The following PRIMPOL variants were observed in gnomAD, a reference collection of about 807,000 sequenced individuals.
PRIMPOL encodes the protein DNA-directed primase/polymerase protein.
In PRIMPOL, 54 loss-of-function variants were observed where a neutral mutation model predicts 63.6. That is an observed-to-expected ratio of 0.85 (90% CI 0.68 to 1.07). The LOEUF (loss-of-function observed/expected upper bound fraction) is 1.07. Among genes scored for constraint, PRIMPOL ranks in the 50% least tolerant of loss-of-function variants. The probability of loss-of-function intolerance (pLI) is 0.00; values close to 1 mark genes in which losing one functional copy is unlikely to be tolerated. For synonymous variants in PRIMPOL, 197 were observed against 220.2 expected (o/e 0.89, Z 0.93); for missense variants, 610 against 648.3 (o/e 0.94, Z 0.64).
chr4:184,657,104 G>T lies in PRIMPOL; in HGVS notation c.-37G>T, dbSNP rs199564366. 3 of 1,393,654 alleles carry T rather than the reference G, an allele frequency of 2.2e-6. No homozygotes were observed. The highest frequency in any genetic ancestry group is 2.9e-6 in the Non-Finnish European group (3 of 1,051,372). The allele number at this position is 1,393,654 out of a possible 1,614,324, so 86.3% of individuals were successfully genotyped here. A position where few individuals can be genotyped will look rare whatever the true frequency, so the allele number is the denominator to read the frequency against. Reference sequence around the variant, plus strand: ...TAGTAGTAATTGATAGAAATATTACGTGGGATAGGATTTATTCTCTCCACA... The same window carrying T: ...TAGTAGTAATTGATAGAAATATTACTTGGGATAGGATTTATTCTCTCCACA... On this transcript the variant is annotated 5_prime_UTR_variant, in exon 3 of 14. Coordinates refer to ENST00000314970, the MANE Select transcript of PRIMPOL (RefSeq NM_152683.4).
chr4:184,675,674 G>A (rs113233261), intron 7 of PRIMPOL, among the ~76,000 whole-genome samples: 8,044 of 152,102 alleles, frequency 0.053, 284 homozygotes, highest in Middle Eastern at 0.085. Context: ...AAAATTAGCC[G>A]GGCATGGTGG....
chr4:184,692,495 A>G (rs1247491348), intron 13 of PRIMPOL, among the ~76,000 whole-genome samples: 1 of 140,978 alleles, frequency 7.1e-6, no homozygotes, highest in East Asian at 2.0e-4. Context: ...AAAAAAAAAG[A>G]AAGAAAATAC....
At chr4:184,689,332 A>G (rs10013562) in intron 11 of PRIMPOL, among the ~76,000 whole-genome samples, 32,259 of 151,556 alleles carry the variant, frequency 0.21, 4,267 homozygotes, top group African/African-American at 0.37. Context: ...AAAATGCTGG[A>G]ATTACAGGTG....
At chr4:184,693,016 A>AT (rs1759289589) in intron 13 of PRIMPOL, among the ~76,000 whole-genome samples, 1 of 152,086 alleles carries the variant, frequency 6.6e-6, no homozygotes, top group Admixed American at 6.6e-5. Flanking sequence ...GTTTTTTGTC[A>AT]CATCTGTCAG....
chr4:184,654,544 G>A lies in PRIMPOL; in HGVS notation c.-60+2444G>A, dbSNP rs193291576. On this transcript the variant is annotated intron_variant, in intron 2 of 13. Coordinates refer to ENST00000314970, the MANE Select transcript of PRIMPOL (RefSeq NM_152683.4). ...TGGCTCACTGCAAGCTCTGCCTCCC[G>A]GGTTCACGCCATTCTCCTGCCTCAG... Among the ~76,000 whole-genome samples the A allele has an allele frequency of 8.7e-3, 1,231 of 142,230 alleles. 19 individuals carry two copies. Among genetic ancestry groups the A allele is most frequent in the African/African-American group, 0.03 (1,166 of 38,242 alleles). The allele number at this position is 142,230 out of a possible 152,430, so 93.3% of individuals were successfully genotyped here.
chr4:184,660,407 C>T (rs1047079464), intron 4 of PRIMPOL, among the ~76,000 whole-genome samples: 2 of 152,036 alleles, frequency 1.3e-5, no homozygotes, highest in South Asian at 2.1e-4. Flanking sequence ...TCTCGAGCTC[C>T]TGACCTCAGA....
At position 184,688,587 on chromosome 4, in the gene PRIMPOL, CAGG is replaced by C. The variant is rs567483494; in HGVS notation, c.1296-2907_1296-2905del. On this transcript the variant is annotated intron_variant, in intron 11 of 13. Coordinates refer to ENST00000314970, the MANE Select transcript of PRIMPOL (RefSeq NM_152683.4). The stretch of plus-strand genomic sequence containing the variant: ...CTGGCCCTTCCTGCTCTTTCTGACT[CAGG>C]AGGAAACCCGAGGCAGGCGTGAGCA... 7.7e-4 allele frequency among the ~76,000 whole-genome samples: 117 copies of C among 152,328 alleles called. 1 individual carries two copies. Among genetic ancestry groups the C allele is most frequent in the African/African-American group, 2.6e-3 (109 of 41,560 alleles).
intron 3 of PRIMPOL, among the ~76,000 whole-genome samples, chr4:184,658,246 A>G (rs1001897344): frequency 5.9e-5 from 9 of 152,126 alleles, no homozygotes; most frequent in African/African-American, 1.9e-4. Flanking sequence ...GGCTTACTCA[A>G]ATCTCATGAG....
chr4:184,677,661 G>A (rs577983283), intron 7 of PRIMPOL, among the ~76,000 whole-genome samples: 3 of 152,058 alleles, frequency 2.0e-5, no homozygotes, highest in East Asian at 1.9e-4. Flanking sequence ...TCAGTTTGCC[G>A]GTTTACACAA....
intron 7 of PRIMPOL, 130 bp downstream of exon 7, chr4:184,672,590 C>A: frequency 1.2e-6 from 1 of 858,900 alleles, no homozygotes; most frequent in Non-Finnish European, 1.8e-6. Context: ...CACGATGCAA[C>A]CAGTGAGTTC....
In PRIMPOL at chr4:184,694,646, T is replaced by C. The variant is rs1760111619; in HGVS notation, c.1550T>C (p.Ile517Thr). ...ASADAVWDNG[I>T]DDAYFLEATE... ...GCTGATGCTGTCTGGGATAATGGCA[T>C]TGATGATGCTTATTTTTTAGAAGCT... The change falls in exon 14 of 14, where the codon ATT becomes ACT. Residue 517 changes from isoleucine to threonine, a missense_variant. Ile to Thr is a moderately conservative substitution (Grantham distance 89). Around this residue, in one of 3 missense-constraint regions of PRIMPOL, gnomAD observed 444 missense variants for 456.4 expected, o/e 0.97. Coordinates refer to ENST00000314970, the MANE Select transcript of PRIMPOL (RefSeq NM_152683.4). 1.9e-6 allele frequency: 3 copies of C among 1,614,164 alleles called. No individual in the cohort carries two copies. Among genetic ancestry groups the C allele is most frequent in the Non-Finnish European group, 1.7e-6 (2 of 1,180,010 alleles).
intron 8 of PRIMPOL, 79 bp from the exon 9 acceptor site, chr4:184,682,168 AT>A: frequency 1.5e-6 from 1 of 676,390 alleles, no homozygotes; most frequent in Non-Finnish European, 2.6e-6. Flanking sequence ...ACTATTAGGA[AT>A]TCAGTGTCCT....
chr4:184,670,434 A>G (rs949273424), intron 6 of PRIMPOL, among the ~76,000 whole-genome samples: 22 of 152,210 alleles, frequency 1.4e-4, no homozygotes, highest in African/African-American at 4.3e-4. Flanking sequence ...TCATTGCAGA[A>G]GTAATCCATC....
chr4:184,688,608 C>T lies in PRIMPOL; in HGVS notation c.1296-2891C>T, dbSNP rs574664355. ...GACTCAGGAGGAAACCCGAGGCAGG[C>T]GTGAGCAATCCATGCACACAGCAGG... On this transcript the variant is annotated intron_variant, in intron 11 of 13. Transcript: ENST00000314970. Among the ~76,000 whole-genome samples the T allele has an allele frequency of 8.6e-4, 131 of 152,294 alleles. 1 individual carries two copies. Among genetic ancestry groups the T allele is most frequent in the Non-Finnish European group, 1.5e-3 (102 of 68,030 alleles).
chr4:184,652,543 G>A (rs559009720), intron 2 of PRIMPOL, among the ~76,000 whole-genome samples: 1 of 152,206 alleles, frequency 6.6e-6, no homozygotes, highest in East Asian at 1.9e-4. Context: ...GGAAAATCCA[G>A]TCACTTATAC....
rs1038992618 is a variant in PRIMPOL, at chr4:184,688,898, G to A, written c.1296-2601G>A. On this transcript the variant is annotated intron_variant, in intron 11 of 13. Coordinates refer to ENST00000314970, the MANE Select transcript of PRIMPOL (RefSeq NM_152683.4). ...TTCTCTGAGGCTGACAGAAATACCCGAGCTCTGGTAATGAATTTCAAACAA... is the reference window on the plus strand; with the variant it reads ...TTCTCTGAGGCTGACAGAAATACCCAAGCTCTGGTAATGAATTTCAAACAA... Among the ~76,000 whole-genome samples, 4 of 151,936 alleles carry A rather than the reference G, an allele frequency of 2.6e-5. No homozygotes were observed. The South Asian group carries it at 6.2e-4, about 24-fold the overall frequency.
chr4:184,650,580 A>G (rs541553780), intron 1 of PRIMPOL, among the ~76,000 whole-genome samples: 1 of 152,368 alleles, frequency 6.6e-6, no homozygotes, highest in Admixed American at 6.5e-5. Flanking sequence ...AGATGGAGTT[A>G]TTAATGGTTA....
rs192620800 is a variant in PRIMPOL, at chr4:184,686,655, T to C, written c.1295+971T>C. On this transcript the variant is annotated intron_variant, in intron 11 of 13. Transcript: ENST00000314970. The stretch of plus-strand genomic sequence containing the variant: ...GTTATCAGTTATGAGGTGAGAAATT[T>C]TGCTGTTTTTTATTTCATGTCAAAG... Among the ~76,000 whole-genome samples the C allele has an allele frequency of 3.9e-5, 6 of 152,244 alleles. No homozygotes were observed. The East Asian group carries it at 9.6e-4, about 24-fold the overall frequency.
chr4:184,661,528 G>A (rs543794653), intron 4 of PRIMPOL, among the ~76,000 whole-genome samples: 64 of 152,164 alleles, frequency 4.2e-4, no homozygotes, highest in South Asian at 3.5e-3. Context: ...CCAACATGGC[G>A]TAAACCCTGT....
Sources: allele counts gnomAD v4.1 joint callset (sites outside exome capture counted in the v4.1 genomes callset), GRCh38; gene constraint gnomAD v4.1.1; regional missense constraint gnomAD v4.1.1; transcripts MANE v1.5; gene names NCBI Gene and HGNC (gene_info 2026-07-23, HGNC 2026-07-21).